HADH: variants seen among roughly 807,000 people sequenced by gnomAD.
HADH encodes hydroxyacyl-CoA dehydrogenase.
In HADH, 24 loss-of-function variants were observed where a neutral mutation model predicts 32.2. The observed-to-expected ratio is 0.75, with a 90% CI of 0.54 to 1.05. The LOEUF (loss-of-function observed/expected upper bound fraction) is 1.05, where lower values mean the gene tolerates loss of function less well. HADH is among the 50% of genes least tolerant of loss of function. The pLI, the probability that HADH is intolerant of heterozygous loss-of-function variation, is 0.00. For synonymous variants in HADH, 139 were observed against 152.5 expected (o/e 0.91, Z 0.65); for missense variants, 350 against 397.1 (o/e 0.88, Z 1.01).
chr4:108,012,585 G>C (rs1735536881), intron 2 of HADH, among the ~76,000 whole-genome samples: 2 of 152,180 alleles, frequency 1.3e-5, no homozygotes, highest in African/African-American at 4.8e-5. Context: ...TTTGAAAGAG[G>C]CAAAGGCAGA....
chr4:108,011,949 T>A (rs1735509724), intron 2 of HADH, among the ~76,000 whole-genome samples: 1 of 152,120 alleles, frequency 6.6e-6, no homozygotes, highest in African/African-American at 2.4e-5. Flanking sequence ...TGGAGAGCAG[T>A]GGCATGATCA....
intron 4 of HADH, among the ~76,000 whole-genome samples, chr4:108,020,762 A>G (rs1415126288): frequency 6.6e-6 from 1 of 152,094 alleles, no homozygotes; most frequent in Non-Finnish European, 1.5e-5. Context: ...AGTGTGGGGG[A>G]CGCTGATGCT....
intron 1 of HADH, among the ~76,000 whole-genome samples, chr4:107,994,267 A>C (rs1734894514): frequency 6.6e-6 from 1 of 152,020 alleles, no homozygotes; most frequent in African/African-American, 2.4e-5. Context: ...AAAAGCAGAA[A>C]GTGCATATTT....
intron 2 of HADH, among the ~76,000 whole-genome samples, chr4:108,011,142 C>T (rs759798792): frequency 2.6e-5 from 4 of 152,170 alleles, no homozygotes; most frequent in East Asian, 1.9e-4. Context: ...CCACCACTCC[C>T]GGCCAACTTC....
chr4:107,992,450 A>G lies in HADH; in HGVS notation c.132+2386A>G, dbSNP rs73838290. Among the ~76,000 whole-genome samples the G allele has an allele frequency of 3.5e-4, 53 of 152,328 alleles. 1 individual carries two copies. The highest frequency in any genetic ancestry group is 1.1e-3 in the African/African-American group (46 of 41,562). ...CCTGTAGCATGCAGTTCTAGGCAGTATTGCTTCATTCTTTATGCTCCTTGA... is the reference window on the plus strand; with the variant it reads ...CCTGTAGCATGCAGTTCTAGGCAGTGTTGCTTCATTCTTTATGCTCCTTGA... On this transcript the variant is annotated intron_variant, in intron 1 of 7. Transcript: ENST00000309522.
chr4:108,018,221 G>A (rs1735758917), intron 3 of HADH, among the ~76,000 whole-genome samples: 1 of 152,156 alleles, frequency 6.6e-6, no homozygotes, highest in Non-Finnish European at 1.5e-5. Context: ...TTGGGCCCAG[G>A]CTGTCCCTGC....
At chr4:108,019,738 C>T in intron 4 of HADH, 72 bp downstream of exon 4, 1 of 1,566,594 alleles carries the variant, frequency 6.4e-7, no homozygotes, top group Non-Finnish European at 8.8e-7. Flanking sequence ...CTGTGTTACA[C>T]CAGCCCTGCC....
At chr4:108,016,325 C>T (rs748886069) in intron 3 of HADH, among the ~76,000 whole-genome samples, 20 of 152,308 alleles carry the variant, frequency 1.3e-4, no homozygotes, top group Non-Finnish European at 2.5e-4. Flanking sequence ...ACCAGCTTGT[C>T]GGAATGTTAA....
intron 3 of HADH, among the ~76,000 whole-genome samples, chr4:108,018,426 G>A (rs1283000406): frequency 6.6e-6 from 1 of 151,544 alleles, no homozygotes; most frequent in African/African-American, 2.4e-5. Flanking sequence ...TTAAAACAAT[G>A]TCATTTTTTT....
chr4:108,000,559 C>T (rs1735092265), intron 1 of HADH, among the ~76,000 whole-genome samples: 1 of 152,160 alleles, frequency 6.6e-6, no homozygotes, highest in Non-Finnish European at 1.5e-5. Context: ...CAGCGCCACA[C>T]CCAGTTATTT....
chr4:108,007,710 C>T (rs920671561), intron 1 of HADH, among the ~76,000 whole-genome samples: 1 of 152,198 alleles, frequency 6.6e-6, no homozygotes, highest in African/African-American at 2.4e-5. Flanking sequence ...AGATGAACAC[C>T]AACTCCATGT....
intron 6 of HADH, 180 bp from the exon 7 acceptor site, chr4:108,032,996 C>G: frequency 1.5e-6 from 1 of 647,720 alleles, no homozygotes; most frequent in East Asian, 2.8e-5. Context: ...AAAACAAAGT[C>G]TTATGACCTC....
At chr4:108,010,147 A>G (rs1431546734) in intron 2 of HADH, among the ~76,000 whole-genome samples, 1 of 152,178 alleles carries the variant, frequency 6.6e-6, no homozygotes, top group Non-Finnish European at 1.5e-5. Flanking sequence ...GCTTGTACAT[A>G]CAGGTGGTGA....
intron 1 of HADH, among the ~76,000 whole-genome samples, chr4:107,993,153 G>T (rs1257298214): frequency 2.0e-5 from 3 of 152,180 alleles, no homozygotes; most frequent in Non-Finnish European, 2.9e-5. Flanking sequence ...CATCTTCATT[G>T]CAGTTGTCCT....
chr4:108,019,080 A>C lies in HADH; in HGVS notation c.420-460A>C, dbSNP rs962611696. Among the ~76,000 whole-genome samples, 4 of 152,030 alleles carry C rather than the reference A, an allele frequency of 2.6e-5. No individual in the cohort carries two copies. In the South Asian group the frequency reaches 8.3e-4, roughly 32 times the overall value. On this transcript the variant is annotated intron_variant, in intron 3 of 7. Coordinates refer to ENST00000309522, the MANE Select transcript of HADH (RefSeq NM_005327.7). ...TATCTTAATTCACGTTTATTATCAT[A>C]TGTTTCTGATTGAGGATTTATGTGT...
intron 3 of HADH, 71 bp downstream of exon 3, chr4:108,014,659 T>G (rs1295802934): frequency 5.7e-6 from 8 of 1,414,204 alleles, no homozygotes; most frequent in Admixed American, 1.8e-5. Flanking sequence ...TTTTATTTTT[T>G]GTTTTTATAG....
chr4:108,014,708 T>C, intron 3 of HADH, 120 bp downstream of exon 3: 1 of 855,216 alleles, frequency 1.2e-6, no homozygotes, highest in Admixed American at 2.1e-5. Flanking sequence ...CATGCCTATA[T>C]TGTGTAGTGG....
intron 6 of HADH, chr4:108,032,222 A>G: frequency 1.5e-6 from 1 of 649,486 alleles, no homozygotes. Context: ...TCTGATTTCA[A>G]AGAAAGGGAA....
At chr4:108,034,109 G>T in intron 7 of HADH, 130 bp from the exon 8 acceptor site, 1 of 760,728 alleles carries the variant, frequency 1.3e-6, no homozygotes, top group Non-Finnish European at 2.4e-6. Context: ...TGCAGTGGTG[G>T]CCGGAGGGGC....
Sources: gnomAD v4.1 joint callset for allele counts (sites outside exome capture counted in the v4.1 genomes callset) on GRCh38, gnomAD v4.1.1 for gene constraint, MANE v1.5 for transcripts, NCBI Gene and HGNC (gene_info 2026-07-23, HGNC 2026-07-21) for gene names.